RTN4: variants seen among roughly 807,000 people sequenced by gnomAD.
RTN4 encodes the protein reticulon 4.
In RTN4, 32 loss-of-function variants were observed where a neutral mutation model predicts 90.4. The observed-to-expected ratio is 0.35, with a 90% CI of 0.27 to 0.48. The LOEUF is 0.48. RTN4 is among the 20% of genes least tolerant of loss of function. RTN4 has a pLI of 0.99. For missense variants in RTN4, 1,706 were observed against 1,430.2 expected (o/e 1.19, Z -3.11); for synonymous variants, 629 against 552.5 (o/e 1.14, Z -1.94).
Position 54,972,898 on chromosome 2 carries a change from G to T in RTN4, c.*258C>A. 3.2e-6 allele frequency: 1 copy of T among 312,908 alleles called. No individual in the cohort carries two copies. The highest frequency in any genetic ancestry group is 1.7e-4 in the South Asian group (1 of 5,996). 19.4% of individuals were successfully genotyped at this position (312,908 alleles called of 1,614,324 possible). A position where few individuals can be genotyped will look rare whatever the true frequency, so the allele number is the denominator to read the frequency against. On this transcript the variant is annotated 3_prime_UTR_variant, in exon 9 of 9. Coordinates refer to ENST00000337526, the MANE Select transcript of RTN4 (RefSeq NM_020532.5). ...TATACAGGTTTTTTATTCCACCAGT[G>T]CCTCAGATAGATAGGAAAAAGATAT...
At chr2:55,122,975 T>C in the RTN4 span, among the ~76,000 whole-genome samples, 13,164 of 152,312 alleles carry the variant, frequency 0.086, 631 homozygotes, top group East Asian at 0.19. Flanking sequence ...ATCAGAGTTA[T>C]TAGAATTCTC....
chr2:55,117,945 T>C, the RTN4 span, among the ~76,000 whole-genome samples: 1 of 152,226 alleles, frequency 6.6e-6, no homozygotes, highest in Non-Finnish European at 1.5e-5. Context: ...TTTGGTTTTA[T>C]AAGATTCCCT....
chr2:55,032,903 G>A (rs759089791), intron 1 of RTN4, among the ~76,000 whole-genome samples: 11 of 151,748 alleles, frequency 7.2e-5, no homozygotes, highest in Non-Finnish European at 1.3e-4. Flanking sequence ...TGGTGCACAC[G>A]TGCAGTTCTA....
chr2:55,102,099 C>T (rs1667863185), intron 1 of RTN4, among the ~76,000 whole-genome samples: 1 of 152,064 alleles, frequency 6.6e-6, no homozygotes, highest in African/African-American at 2.4e-5. Flanking sequence ...AAATCATGAG[C>T]ACCAAATTCC....
At chr2:55,021,496 C>CT (rs1558813675) in intron 3 of RTN4, among the ~76,000 whole-genome samples, 1 of 147,976 alleles carries the variant, frequency 6.8e-6, no homozygotes, top group Non-Finnish European at 1.5e-5. Flanking sequence ...TTTTTTCTCC[C>CT]TTTTTTGTGG....
intron 1 of RTN4, among the ~76,000 whole-genome samples, chr2:55,040,568 G>A (rs1683002997): frequency 1.3e-5 from 2 of 152,118 alleles, no homozygotes; most frequent in South Asian, 2.1e-4. Flanking sequence ...AGAACACGTA[G>A]GCAGACCTGG....
In RTN4 at chr2:55,102,045, T is replaced by C. The variant is rs1276374982; in HGVS notation, c.-214+10475A>G. ...CTGAAATCTAAGACAAAAAAAGGCT[T>C]CTGCTTTTATTTTGAATCATAAAGT... On this transcript the variant is annotated intron_variant, in intron 1 of 3. Coordinates refer to the RTN4 transcript ENST00000427710. Among the ~76,000 whole-genome samples, 4 of 152,164 alleles carry C rather than the reference T, an allele frequency of 2.6e-5. No homozygotes were observed. The East Asian group carries it at 7.7e-4, about 29-fold the overall frequency.
intron 5 of RTN4, 107 bp downstream of exon 5, chr2:54,982,408 A>T: frequency 1.0e-6 from 1 of 955,544 alleles, no homozygotes; most frequent in Non-Finnish European, 1.5e-6. Flanking sequence ...CATGTGATTT[A>T]ATTAATATTT....
intron 4 of RTN4, among the ~76,000 whole-genome samples, 179 bp downstream of exon 4, chr2:54,987,312 T>G (rs1281793383): frequency 6.6e-6 from 1 of 152,230 alleles, no homozygotes; most frequent in Non-Finnish European, 1.5e-5. Context: ...TCATGAGCCT[T>G]TAAAACGACT....
intron 5 of RTN4, among the ~76,000 whole-genome samples, chr2:54,978,042 G>GC: frequency 6.6e-6 from 1 of 152,190 alleles, no homozygotes; most frequent in Admixed American, 6.5e-5. Flanking sequence ...CACTGCCCCC[G>GC]CCAAAAGGCA....
chr2:55,037,044 G>A (rs1350827723), intron 1 of RTN4, among the ~76,000 whole-genome samples: 3 of 152,156 alleles, frequency 2.0e-5, no homozygotes, highest in Non-Finnish European at 4.4e-5. Context: ...TAAGGATACA[G>A]GATAGATGCA....
At chr2:54,974,471 G>C (rs982712756) in intron 6 of RTN4, among the ~76,000 whole-genome samples, 7 of 152,166 alleles carry the variant, frequency 4.6e-5, no homozygotes, top group African/African-American at 1.7e-4. Flanking sequence ...AGTAGAAATG[G>C]GGTTTCACCA....
chr2:54,993,795 C>T (rs1035413431), intron 3 of RTN4, among the ~76,000 whole-genome samples: 1 of 152,148 alleles, frequency 6.6e-6, no homozygotes, highest in Non-Finnish European at 1.5e-5. Flanking sequence ...AATGAGACAA[C>T]TAGGCACTGA....
chr2:55,011,718 A>G (rs1003906197), intron 3 of RTN4, among the ~76,000 whole-genome samples: 1 of 152,204 alleles, frequency 6.6e-6, no homozygotes, highest in Admixed American at 6.5e-5. Context: ...TGTAAGACTT[A>G]AACATAGAAA....
chr2:55,010,708 A>G (rs773683368), intron 3 of RTN4, among the ~76,000 whole-genome samples: 4 of 152,240 alleles, frequency 2.6e-5, no homozygotes, highest in Admixed American at 6.5e-5. Context: ...GACGTAAAAC[A>G]TTCAGCATTT....
the RTN4 span, among the ~76,000 whole-genome samples, chr2:55,133,621 G>C: frequency 1.3e-5 from 2 of 152,176 alleles, no homozygotes; most frequent in Non-Finnish European, 2.9e-5. Context: ...CCATTCTATG[G>C]AGGGAGAAAC....
In RTN4 at chr2:55,050,438, G is replaced by A. The variant is rs1476661058; in HGVS notation, c.-138C>T. Reference sequence around the variant, plus strand: ...AGCCGAGGGACCTACTGTGGTGACGGCTCCCGGAACAATGAGACTGCTCCT... The same window carrying A: ...AGCCGAGGGACCTACTGTGGTGACGACTCCCGGAACAATGAGACTGCTCCT... On this transcript the variant is annotated 5_prime_UTR_variant, in exon 1 of 9. Transcript: ENST00000337526. The surrounding 1 kb of genome is among the most constrained non-coding windows in gnomAD (Gnocchi z 4.6). 1 of 458,600 alleles carries A rather than the reference G, an allele frequency of 2.2e-6. No individual in the cohort carries two copies. The highest frequency in any genetic ancestry group is 3.5e-5 in the East Asian group (1 of 28,484). 28.4% of individuals were successfully genotyped at this position (458,600 alleles called of 1,614,324 possible).
chr2:54,974,736 T>C lies in RTN4; in HGVS notation c.3389A>G (p.Tyr1130Cys), dbSNP rs201476146. The C allele has an allele frequency of 5.9e-5, 96 of 1,613,866 alleles. No homozygotes were observed. Among genetic ancestry groups the C allele is most frequent in the Non-Finnish European group, 7.7e-5 (91 of 1,179,866 alleles). The part of the protein sequence containing the change: ...KFAVLMWVFT[Y>C]VGALFNGLTL... Reference sequence around the variant, plus strand: ...CAGACCATTAAACAAGGCACCAACATAGGTAAATACCCACATCAACACTGC... The same window carrying C: ...CAGACCATTAAACAAGGCACCAACACAGGTAAATACCCACATCAACACTGC... Residue 1130 changes from tyrosine to cysteine, a missense_variant, in exon 6 of 9, where the codon TAT (tyrosine) becomes TGT (cysteine). Transcript: ENST00000337526.
intron 2 of RTN4, among the ~76,000 whole-genome samples, chr2:55,061,115 G>C (rs1181048795): frequency 6.8e-6 from 1 of 147,118 alleles, no homozygotes; most frequent in Non-Finnish European, 1.5e-5. Context: ...ACCCAGGCTG[G>C]AGTGCAGTGG....
Sources: allele counts gnomAD v4.1 joint callset (sites outside exome capture counted in the v4.1 genomes callset), GRCh38; gene constraint gnomAD v4.1.1; non-coding constraint Gnocchi (gnomAD v3.1); transcripts MANE v1.5; gene names NCBI Gene and HGNC (gene_info 2026-07-23, HGNC 2026-07-21).